The following ACTR3 variants were observed in gnomAD, a reference collection of about 807,000 sequenced individuals.
The protein encoded by ACTR3 is actin related protein 3.
ACTR3 carries 12 observed loss-of-function variants against 56.8 expected under a neutral mutation model. The observed-to-expected ratio is 0.21, with a 90% confidence interval of 0.14 to 0.34. ACTR3 has a LOEUF of 0.34. Ranked by LOEUF, ACTR3 falls within the 10% of genes least tolerant of loss-of-function variation. The probability of loss-of-function intolerance (pLI) is 1.00; values close to 1 mark genes in which losing one functional copy is unlikely to be tolerated. For missense variants in ACTR3, 282 were observed against 512.5 expected (o/e 0.55, Z 4.34); for synonymous variants, 162 against 167.4 (o/e 0.97, Z 0.25).
At position 113,960,905 on chromosome 2, in the gene ACTR3, T is replaced by C. The variant is rs1680313577; in HGVS notation, c.*3450T>C. On this transcript the variant is annotated 3_prime_UTR_variant, in exon 12 of 12. Coordinates refer to ENST00000263238, the MANE Select transcript of ACTR3 (RefSeq NM_005721.5). ...GGAATACTGTGCCTTAAAATATATT[T>C]CATTGTAACAGCACCTTGTATATAT... 1 of 152,030 alleles carries C rather than the reference T, an allele frequency of 6.6e-6. No homozygotes were observed. The highest frequency in any genetic ancestry group is 2.1e-4 in the South Asian group (1 of 4,836). The allele number at this position is 152,030 out of a possible 1,614,324, so 9.4% of individuals were successfully genotyped here.
chr2:113,890,483 C>G, intron 1 of ACTR3, 160 bp downstream of exon 1: 1 of 1,298,556 alleles, frequency 7.7e-7, no homozygotes. Flanking sequence ...CAGCCAGGGC[C>G]TCGCGGGTCC....
intron 4 of ACTR3, among the ~76,000 whole-genome samples, chr2:113,929,190 T>G (rs78494489): frequency 0.045 from 6,885 of 152,104 alleles, 510 homozygotes; most frequent in African/African-American, 0.16. Context: ...TTGCTCAGGC[T>G]GGAATGCAGT....
chr2:113,938,706 G>T (rs1261913034), intron 6 of ACTR3, among the ~76,000 whole-genome samples: 2 of 152,112 alleles, frequency 1.3e-5, no homozygotes, highest in African/African-American at 4.8e-5. Flanking sequence ...CACCTTGATG[G>T]TTTCCTCACA....
Position 113,961,852 on chromosome 2 carries a change from T to G in ACTR3, c.*4397T>G, listed in dbSNP as rs1680331659. 1 of 151,968 alleles carries G rather than the reference T, an allele frequency of 6.6e-6. No homozygotes were observed. The highest frequency in any genetic ancestry group is 2.4e-5 in the African/African-American group (1 of 41,430). The allele number at this position is 151,968 out of a possible 1,614,324, so 9.4% of individuals were successfully genotyped here. A position where few individuals can be genotyped will look rare whatever the true frequency, so the allele number is the denominator to read the frequency against. ...GAAGTCCAGCTATGTAAGGTGAAAG[T>G]GGGGCTTATAAAAGTGGATCTATTG... On this transcript the variant is annotated 3_prime_UTR_variant, in exon 12 of 12. Transcript: ENST00000263238.
chr2:113,890,828 G>C (rs751784985), intron 1 of ACTR3: 11 of 986,012 alleles, frequency 1.1e-5, no homozygotes, highest in Non-Finnish European at 1.3e-5. Context: ...GGTGTGGGTG[G>C]GGAAAGGGAA....
Position 113,931,393 on chromosome 2 carries a change from GC to G in ACTR3, c.430del (p.Gln144ArgfsTer6). Reference sequence around the variant, plus strand: ...ATGTTCCAGGCTTGTACATTGCTGTGCAGGTAAGCAAGTTCATACTTTCTAA... The same window carrying G: ...ATGTTCCAGGCTTGTACATTGCTGTGAGGTAAGCAAGTTCATACTTTCTAA... ...FNVPGLYIAVQAVLALAASWT... is the reference protein window; with the variant it reads ...FNVPGLYIAVXAVLALAASWT... On this transcript the variant is annotated frameshift_variant and splice_region_variant, in exon 5 of 12. Coordinates refer to ENST00000263238, the MANE Select transcript of ACTR3 (RefSeq NM_005721.5). LOFTEE classifies it high-confidence loss of function. 1 of 1,565,434 alleles carries G rather than the reference GC, an allele frequency of 6.4e-7. No homozygotes were observed. Among genetic ancestry groups the G allele is most frequent in the Non-Finnish European group, 8.6e-7 (1 of 1,156,224 alleles).
intron 7 of ACTR3, among the ~76,000 whole-genome samples, chr2:113,940,303 A>G (rs1195383176): frequency 6.6e-6 from 1 of 152,174 alleles, no homozygotes; most frequent in Non-Finnish European, 1.5e-5. Flanking sequence ...TGTTTTCTTC[A>G]TATTTTATAT....
rs558401978 is a variant in ACTR3, at chr2:113,909,624, T to G, written c.45-3548T>G. ...AAGTTTTTTTGTTGTTGTTGTTGTT[T>G]TTTTTTTTTTGGGAGGGTGCAGTGT... is the stretch of plus-strand genomic sequence containing the variant. On this transcript the variant is annotated intron_variant, in intron 1 of 11. Transcript: ENST00000263238. Among the ~76,000 whole-genome samples, 147 of 150,710 alleles carry G rather than the reference T, an allele frequency of 9.8e-4. 1 individual carries two copies. Among genetic ancestry groups the G allele is most frequent in the African/African-American group, 2.8e-3 (113 of 41,090 alleles).
At position 113,948,607 on chromosome 2, in the gene ACTR3, T is replaced by G. The variant is rs553087534; in HGVS notation, c.859-2872T>G. Among the ~76,000 whole-genome samples, 92 of 152,340 alleles carry G rather than the reference T, an allele frequency of 6.0e-4. 1 individual carries two copies. Among genetic ancestry groups the G allele is most frequent in the Non-Finnish European group, 4.4e-5 (3 of 68,024 alleles). On this transcript the variant is annotated intron_variant, in intron 8 of 11. Transcript: ENST00000263238. ...GGTTGAAATTCAGTGCTTATGTTTTTGTGACCACAAATTTTGTTCATATCT... is the reference window on the plus strand; with the variant it reads ...GGTTGAAATTCAGTGCTTATGTTTTGGTGACCACAAATTTTGTTCATATCT...
chr2:113,917,175 T>G (rs1419810843), intron 3 of ACTR3, among the ~76,000 whole-genome samples, 167 bp downstream of exon 3: 1 of 152,046 alleles, frequency 6.6e-6, no homozygotes, highest in Non-Finnish European at 1.5e-5. Flanking sequence ...TTAACTTTTT[T>G]TTTTCTTTTT....
intron 2 of ACTR3, among the ~76,000 whole-genome samples, chr2:113,913,739 G>C (rs539819233): frequency 6.6e-6 from 1 of 152,252 alleles, no homozygotes; most frequent in African/African-American, 2.4e-5. Context: ...TAACCATACT[G>C]TTGTATGTCT....
intron 8 of ACTR3, among the ~76,000 whole-genome samples, chr2:113,947,259 A>C (rs1680038042): frequency 6.6e-6 from 1 of 152,270 alleles, no homozygotes. Flanking sequence ...GAATAGGATC[A>C]TGACCACACG....
At position 113,957,449 on chromosome 2, in the gene ACTR3, G is replaced by A. The variant is rs1223570457; in HGVS notation, c.1251G>A (p.Met417Ile). ...ICRHNPVFGV[M>I]S ...GTCACAATCCAGTGTTTGGAGTCATGTCGTAAAATTGGCTTCATAGTTATT... is the reference window on the plus strand; with the variant it reads ...GTCACAATCCAGTGTTTGGAGTCATATCGTAAAATTGGCTTCATAGTTATT... The change falls in exon 12 of 12, where the codon ATG becomes ATA. Residue 417 changes from methionine to isoleucine, a missense_variant. Transcript: ENST00000263238. The A allele has an allele frequency of 6.2e-7, 1 of 1,612,532 alleles. No homozygotes were observed. Among genetic ancestry groups the A allele is most frequent in the Non-Finnish European group, 8.5e-7 (1 of 1,178,996 alleles).
chr2:113,934,258 T>G lies in ACTR3; in HGVS notation c.433-21T>G. The G allele has an allele frequency of 2.0e-6, 3 of 1,520,940 alleles. No homozygotes were observed. The South Asian group carries it at 3.7e-5, about 19-fold the overall frequency. The allele number at this position is 1,520,940 out of a possible 1,614,324, so 94.2% of individuals were successfully genotyped here. On this transcript the variant is annotated intron_variant, in intron 5 of 11. Coordinates refer to ENST00000263238, the MANE Select transcript of ACTR3 (RefSeq NM_005721.5). ...TTTTTTTTTTTTGTTTTTTTGCCTT[T>G]CTTCTTTCTTTGTGCTCAAGGCTGT...
chr2:113,926,746 T>C (rs1021500546), intron 3 of ACTR3, among the ~76,000 whole-genome samples: 1 of 152,188 alleles, frequency 6.6e-6, no homozygotes, highest in African/African-American at 2.4e-5. Flanking sequence ...CTCGATACTA[T>C]AACACTGGGA....
intron 6 of ACTR3, among the ~76,000 whole-genome samples, chr2:113,939,477 A>G (rs1679887131): frequency 6.6e-6 from 1 of 152,176 alleles, no homozygotes; most frequent in Non-Finnish European, 1.5e-5. Flanking sequence ...CTTCTGACAC[A>G]TCAGTAAATT....
chr2:113,892,245 G>A (rs1678918087), intron 1 of ACTR3, among the ~76,000 whole-genome samples: 1 of 152,232 alleles, frequency 6.6e-6, no homozygotes, highest in African/African-American at 2.4e-5. Context: ...TTTAAAACAT[G>A]CTGAATGACC....
chr2:113,920,981 C>T (rs1202260073), intron 3 of ACTR3, among the ~76,000 whole-genome samples: 1 of 152,114 alleles, frequency 6.6e-6, no homozygotes, highest in East Asian at 1.9e-4. Context: ...TGGGTATATA[C>T]CCAATAGTAG....
At position 113,890,108 on chromosome 2, in the gene ACTR3, C is replaced by T; in HGVS notation, c.-172C>T. The T allele has an allele frequency of 1.3e-6, 1 of 762,462 alleles. No individual in the cohort carries two copies. Among genetic ancestry groups the T allele is most frequent in the Non-Finnish European group, 2.1e-6 (1 of 468,492 alleles). The allele number at this position is 762,462 out of a possible 1,614,324, so 47.2% of individuals were successfully genotyped here. On this transcript the variant is annotated 5_prime_UTR_variant, in exon 1 of 12. Coordinates refer to ENST00000263238, the MANE Select transcript of ACTR3 (RefSeq NM_005721.5). ...GCCTGGGTTGCGGAAGTGATAGCCG[C>T]CGACCGAGCCTGCTGCTTTCTTGCT...
Sources: gnomAD v4.1 joint callset for allele counts (sites outside exome capture counted in the v4.1 genomes callset) on GRCh38, gnomAD v4.1.1 for gene constraint, MANE v1.5 for transcripts, NCBI Gene and HGNC (gene_info 2026-07-23, HGNC 2026-07-21) for gene names.